BLNK: variants seen among roughly 807,000 people sequenced by gnomAD.
BLNK encodes B-cell linker protein.
In BLNK, 29 loss-of-function variants were observed where a neutral mutation model predicts 73.5. The observed-to-expected ratio is 0.39, with a 90% CI of 0.29 to 0.54. The LOEUF is 0.54. Ranked by LOEUF, BLNK falls within the 20% of genes least tolerant of loss-of-function variation. The probability of loss-of-function intolerance (pLI) is 0.61; values close to 1 mark genes in which losing one functional copy is unlikely to be tolerated. For synonymous variants in BLNK, 176 were observed against 200.8 expected, an observed-to-expected ratio of 0.88 and a Z score of 1.04; for missense variants, 460 against 562.8, an observed-to-expected ratio of 0.82 and a Z score of 1.85.
At chr10:96,208,246 C>G (rs1351723965) in intron 9 of BLNK, among the ~76,000 whole-genome samples, 5 of 152,044 alleles carry the variant, frequency 3.3e-5, no homozygotes, top group African/African-American at 1.2e-4. Context: ...AATTGAGGAC[C>G]AGGATCAGTA....
At chr10:96,195,255 G>A (rs1554894430) in intron 16 of BLNK, among the ~76,000 whole-genome samples, 1 of 152,042 alleles carries the variant, frequency 6.6e-6, no homozygotes, top group African/African-American at 2.4e-5. Context: ...AGTATGGGAG[G>A]TTCTCAAAAA....
intron 7 of BLNK, among the ~76,000 whole-genome samples, 191 bp from the exon 8 acceptor site, chr10:96,215,580 G>C (rs1384810930): frequency 6.6e-6 from 1 of 152,300 alleles, no homozygotes; most frequent in East Asian, 1.9e-4. Context: ...AACATCTTTA[G>C]AATGGGAATA....
intron 6 of BLNK, among the ~76,000 whole-genome samples, chr10:96,221,133 C>A (rs1281039507): frequency 1.3e-5 from 2 of 152,122 alleles, no homozygotes; most frequent in African/African-American, 4.8e-5. Context: ...CCCTTTACAC[C>A]TTTGTTTCCT....
chr10:96,250,287 C>G (rs1025801422), intron 1 of BLNK, among the ~76,000 whole-genome samples: 14 of 152,106 alleles, frequency 9.2e-5, no homozygotes, highest in Non-Finnish European at 1.6e-4. Flanking sequence ...CACATATACT[C>G]TATGCCAAAC....
At chr10:96,229,283 C>T (rs10786271) in intron 4 of BLNK, among the ~76,000 whole-genome samples, 132,318 of 150,716 alleles carry the variant, frequency 0.88, 58,812 homozygotes, top group Non-Finnish European at 0.94. Flanking sequence ...TTCTACTGTC[C>T]GTCTTTATGA....
intron 1 of BLNK, among the ~76,000 whole-genome samples, chr10:96,253,794 T>A (rs1222794537): frequency 6.6e-6 from 1 of 151,928 alleles, no homozygotes; most frequent in Non-Finnish European, 1.5e-5. Context: ...GGCGGGCCGA[T>A]CATGAGGTCA....
At chr10:96,223,803 C>A (rs782817341) in intron 6 of BLNK, 23 bp downstream of exon 6, 1 of 1,613,068 alleles carries the variant, frequency 6.2e-7, no homozygotes, top group Non-Finnish European at 8.5e-7. Context: ...TCCTGGGAAG[C>A]CTTTGGCACA....
intron 3 of BLNK, among the ~76,000 whole-genome samples, chr10:96,239,672 G>A (rs1842821651): frequency 6.6e-6 from 1 of 152,166 alleles, no homozygotes; most frequent in Admixed American, 6.5e-5. Context: ...GCAAATCAAT[G>A]AGATTTGGAG....
chr10:96,192,181 A>G, intron 16 of BLNK, 89 bp from the exon 17 acceptor site: 32 of 1,554,298 alleles, frequency 2.1e-5, no homozygotes, highest in Non-Finnish European at 2.7e-5. Context: ...TTCTCAAGTT[A>G]GTAAAAGTTA....
At chr10:96,229,756 G>A (rs1476601142) in intron 4 of BLNK, among the ~76,000 whole-genome samples, 1 of 151,956 alleles carries the variant, frequency 6.6e-6, no homozygotes, top group African/African-American at 2.4e-5. Flanking sequence ...AGCTGCGGCT[G>A]CTGGGCCCCA....
intron 4 of BLNK, 37 bp downstream of exon 4, chr10:96,230,757 C>A: frequency 6.3e-7 from 1 of 1,597,602 alleles, no homozygotes; most frequent in Non-Finnish European, 8.5e-7. Flanking sequence ...TCCCATGGGA[C>A]CCTGATGCCC....
rs534782771 is a variant in BLNK at position 96,270,669 on chromosome 10, A to T, written c.47+683T>A. Among the ~76,000 whole-genome samples the T allele has an allele frequency of 1.3e-3, 203 of 152,296 alleles. 1 individual carries two copies. The highest frequency in any genetic ancestry group is 4.6e-3 in the African/African-American group (193 of 41,560). On this transcript the variant is annotated intron_variant, in intron 1 of 16. Transcript: ENST00000224337. ...AAAAAACTGCACTCCCAGAACTTTA[A>T]AAGTTCCAGTCTCTGAAAGCCATGA...
At chr10:96,236,176 T>C (rs1353113099) in intron 3 of BLNK, among the ~76,000 whole-genome samples, 3 of 152,246 alleles carry the variant, frequency 2.0e-5, no homozygotes, top group Middle Eastern at 6.8e-3. Flanking sequence ...CATCACAGCA[T>C]GTCTGACATT....
At chr10:96,208,359 T>G (rs782256624) in intron 9 of BLNK, among the ~76,000 whole-genome samples, 1 of 152,130 alleles carries the variant, frequency 6.6e-6, no homozygotes, top group Non-Finnish European at 1.5e-5. Flanking sequence ...GCAGGTGAGG[T>G]TGCAGCTGCA....
chr10:96,250,933 G>A (rs1180727173), intron 1 of BLNK, among the ~76,000 whole-genome samples: 1 of 152,116 alleles, frequency 6.6e-6, no homozygotes, highest in African/African-American at 2.4e-5. Context: ...GGATGCATGT[G>A]ATATTTTGAT....
At chr10:96,236,008 G>A (rs954243355) in intron 3 of BLNK, among the ~76,000 whole-genome samples, 18 of 152,176 alleles carry the variant, frequency 1.2e-4, no homozygotes, top group Admixed American at 1.1e-3. Flanking sequence ...ATGGAAAGAC[G>A]AAAGCTGATC....
chr10:96,253,618 T>C (rs1189741478), intron 1 of BLNK, among the ~76,000 whole-genome samples: 1 of 152,170 alleles, frequency 6.6e-6, no homozygotes, highest in Non-Finnish European at 1.5e-5. Flanking sequence ...CTAAACCATA[T>C]CAATAGAATA....
intron 16 of BLNK, among the ~76,000 whole-genome samples, chr10:96,196,159 C>T (rs1404703817): frequency 6.6e-6 from 1 of 152,176 alleles, no homozygotes; most frequent in Non-Finnish European, 1.5e-5. Context: ...ATGCTATTTT[C>T]TCTGCATAGA....
chr10:96,215,480 G>A, intron 7 of BLNK, 91 bp from the exon 8 acceptor site: 1 of 1,203,804 alleles, frequency 8.3e-7, no homozygotes, highest in South Asian at 1.5e-5. Context: ...CACACTCAGG[G>A]AAAAATGATG....
Sources: gnomAD v4.1 joint callset for allele counts (sites outside exome capture counted in the v4.1 genomes callset) on GRCh38, gnomAD v4.1.1 for gene constraint, MANE v1.5 for transcripts, NCBI Gene and HGNC (gene_info 2026-07-23, HGNC 2026-07-21) for gene names.